Variants in MICU2 observed in about 807,000 individuals in gnomAD.
MICU2 encodes the protein mitochondrial calcium uptake 2.
Under a neutral mutation model 60.4 loss-of-function variants are expected in MICU2, and 64 were observed. The ratio of observed to expected loss-of-function variants is 1.06; its 90% confidence interval spans 0.87 to 1.31. The LOEUF is 1.31. MICU2 is among the 50% of genes most tolerant of loss of function. The pLI is 0.00. For missense variants in MICU2, 569 were observed against 531.0 expected (o/e 1.07, Z -0.70); for synonymous variants, 201 against 175.0 (o/e 1.15, Z -1.17).
At chr13:21,549,548 G>A (rs531867537) in intron 2 of MICU2, among the ~76,000 whole-genome samples, 35 of 152,222 alleles carry the variant, frequency 2.3e-4, no homozygotes, top group African/African-American at 7.7e-4. Context: ...CCCTTTCAGA[G>A]TAATCAACTG....
intron 4 of MICU2, among the ~76,000 whole-genome samples, chr13:21,533,555 C>T (rs1359090656): frequency 6.6e-6 from 1 of 151,692 alleles, no homozygotes; most frequent in Non-Finnish European, 1.5e-5. Flanking sequence ...GATCCCCTGA[C>T]CTCGTGATCC....
chr13:21,513,739 CAAAA>C (rs376128312), intron 7 of MICU2, among the ~76,000 whole-genome samples: 2 of 59,112 alleles, frequency 3.4e-5, no homozygotes, highest in Non-Finnish European at 5.3e-5. Context: ...GACTCTGTCT[CAAAA>C]AAAAAAAAAA....
chr13:21,573,239 A>T (rs577228878), intron 1 of MICU2, among the ~76,000 whole-genome samples: 268 of 152,274 alleles, frequency 1.8e-3, no homozygotes, highest in South Asian at 4.3e-3. Context: ...ACATGATGCA[A>T]ATGCTTTCAC....
At chr13:21,504,768 T>A (rs1886254669) in intron 8 of MICU2, among the ~76,000 whole-genome samples, 1 of 152,040 alleles carries the variant, frequency 6.6e-6, no homozygotes, top group Admixed American at 6.6e-5. Context: ...AGGCTGTGAG[T>A]CTATCATGCA....
At chr13:21,587,916 T>G (rs1191016967) in intron 1 of MICU2, among the ~76,000 whole-genome samples, 2 of 152,212 alleles carry the variant, frequency 1.3e-5, no homozygotes, top group Non-Finnish European at 2.9e-5. Context: ...TTTTGATAGA[T>G]TCAAAGAAGT....
chr13:21,563,348 G>A (rs951344635), intron 2 of MICU2, among the ~76,000 whole-genome samples: 6 of 151,940 alleles, frequency 3.9e-5, no homozygotes, highest in Non-Finnish European at 5.9e-5. Context: ...CCAGCTACTC[G>A]GGAGGCTGAG....
chr13:21,572,806 C>A (rs963855680), intron 1 of MICU2, among the ~76,000 whole-genome samples: 1 of 152,036 alleles, frequency 6.6e-6, no homozygotes, highest in Non-Finnish European at 1.5e-5. Flanking sequence ...CTGGACCAAT[C>A]GATGTTATTA....
At chr13:21,571,808 T>TA (rs1888117948) in intron 1 of MICU2, among the ~76,000 whole-genome samples, 2 of 152,316 alleles carry the variant, frequency 1.3e-5, no homozygotes, top group African/African-American at 4.8e-5. Context: ...CAAGCTCCAC[T>TA]AAAGGTGGCT....
At position 21,566,835 on chromosome 13, in the gene MICU2, C is replaced by T. The variant is rs749936687; in HGVS notation, c.320G>A (p.Arg107Gln). The stretch of plus-strand genomic sequence containing the variant: ...AAACATCACTGAGAAGAGGAAGTCT[C>T]GTGGTGTCATATAATATTCTCCTTC... ...EHEGEYYMTP[R>Q]DFLFSVMFEQ... The change falls in exon 2 of 12, where the codon CGA becomes CAA. Residue 107 changes from arginine (R) to glutamine (Q), a missense_variant. Transcript: ENST00000382374. 10 of 1,608,664 alleles carry T rather than the reference C, an allele frequency of 6.2e-6. No homozygotes were observed. Among genetic ancestry groups the T allele is most frequent in the Admixed American group, 1.7e-5 (1 of 59,294 alleles).
chr13:21,541,682 T>C (rs78623476), intron 2 of MICU2, among the ~76,000 whole-genome samples: 8,564 of 152,208 alleles, frequency 0.056, 800 homozygotes, highest in African/African-American at 0.19. Context: ...ATATCTCATA[T>C]AGATTTTTCA....
intron 2 of MICU2, among the ~76,000 whole-genome samples, chr13:21,556,872 G>GT (rs1274875627): frequency 3.3e-5 from 5 of 152,202 alleles, no homozygotes; most frequent in African/African-American, 7.2e-5. Context: ...TAATTCATGT[G>GT]TAAAATGATT....
At position 21,510,754 on chromosome 13, in the gene MICU2, C is replaced by T. The variant is rs148234692; in HGVS notation, c.664-653G>A. Among the ~76,000 whole-genome samples the T allele has an allele frequency of 1.3e-3, 204 of 151,906 alleles. 2 individuals are homozygous for T. Among genetic ancestry groups the T allele is most frequent in the Middle Eastern group, 0.01 (3 of 294 alleles). On this transcript the variant is annotated intron_variant, in intron 7 of 11. Transcript: ENST00000382374. ...TCGTCTAGCATGTCTCCTAATCCTA[C>T]CACCACCCCGACCCCGCTTCTCAGA...
chr13:21,585,418 G>T (rs1892351423), intron 1 of MICU2, among the ~76,000 whole-genome samples: 1 of 152,028 alleles, frequency 6.6e-6, no homozygotes, highest in African/African-American at 2.4e-5. Flanking sequence ...ACTGCTCTTG[G>T]CCTACCAATT....
At chr13:21,554,239 G>T (rs1887647164) in intron 2 of MICU2, among the ~76,000 whole-genome samples, 1 of 152,148 alleles carries the variant, frequency 6.6e-6, no homozygotes. Context: ...ATTCTTTTCA[G>T]CACCACACCA....
intron 2 of MICU2, among the ~76,000 whole-genome samples, chr13:21,550,615 G>A (rs755518030): frequency 3.3e-5 from 5 of 152,194 alleles, no homozygotes; most frequent in African/African-American, 1.2e-4. Context: ...ATTATAAAAC[G>A]TTTAAAAGCT....
intron 2 of MICU2, among the ~76,000 whole-genome samples, chr13:21,551,566 T>C (rs756330916): frequency 5.3e-4 from 80 of 149,574 alleles, no homozygotes; most frequent in Non-Finnish European, 1.1e-3. Context: ...TAGGTATATC[T>C]CCTAATGCTA....
At chr13:21,580,595 T>A (rs528669382) in intron 1 of MICU2, among the ~76,000 whole-genome samples, 1 of 152,034 alleles carries the variant, frequency 6.6e-6, no homozygotes, top group African/African-American at 2.4e-5. Context: ...CTCTTAAATA[T>A]TTAAGAGTAA....
chr13:21,525,068 T>A (rs139035091), intron 4 of MICU2, among the ~76,000 whole-genome samples: 27 of 152,288 alleles, frequency 1.8e-4, no homozygotes, highest in East Asian at 1.7e-3. Flanking sequence ...CTGTGAATAA[T>A]GCAGCTACAA....
chr13:21,539,675 G>C lies in MICU2; in HGVS notation c.372C>G (p.Val124=). 2 of 1,613,972 alleles carry C rather than the reference G, an allele frequency of 1.2e-6. No homozygotes were observed. Residue 124 remains valine, a synonymous_variant, in exon 3 of 12, where the codon GTC becomes GTG. Coordinates refer to ENST00000382374, the MANE Select transcript of MICU2 (RefSeq NM_152726.3). ...MFEQMERKTS[V]KKLTKKDIED... ...TGCTTACCTTTTTTGTCAGCTTCTTGACTGAAGTTTTACCTACAACAAATA... is the reference window on the plus strand; with the variant it reads ...TGCTTACCTTTTTTGTCAGCTTCTTCACTGAAGTTTTACCTACAACAAATA...
Sources: allele counts gnomAD v4.1 joint callset (sites outside exome capture counted in the v4.1 genomes callset), GRCh38; gene constraint gnomAD v4.1.1; transcripts MANE v1.5; gene names NCBI Gene and HGNC (gene_info 2026-07-23, HGNC 2026-07-21).